The following RIMBP2 variants were observed in gnomAD, a reference collection of about 807,000 sequenced individuals.
RIMBP2 encodes the protein RIMS-binding protein 2.
RIMBP2 carries 48 observed loss-of-function variants against 118.6 expected under a neutral mutation model. The ratio of observed to expected loss-of-function variants is 0.40; its 90% CI spans 0.32 to 0.51. The LOEUF is 0.51. RIMBP2 is among the 20% of genes least tolerant of loss of function. The pLI, the probability that RIMBP2 is intolerant of heterozygous loss-of-function variation, is 0.41. For synonymous variants in RIMBP2, 762 were observed against 742.9 expected, an observed-to-expected ratio of 1.03 and a Z score of -0.42; for missense variants, 1,551 against 1,768.3, an observed-to-expected ratio of 0.88 and a Z score of 2.20.
At chr12:130,679,899 G>C (rs978635155) in intron 1 of RIMBP2, among the ~76,000 whole-genome samples, 4 of 151,440 alleles carry the variant, frequency 2.6e-5, no homozygotes, top group Admixed American at 6.6e-5. Flanking sequence ...ATCCGTGAGT[G>C]TGATCATGCA....
At position 130,396,921 on chromosome 12, in the gene RIMBP2, A is replaced by G. The variant is rs958662984; in HGVS notation, c.*440T>C. 1 of 152,740 alleles carries G rather than the reference A, an allele frequency of 6.5e-6. No homozygotes were observed. The highest frequency in any genetic ancestry group is 1.5e-5 in the Non-Finnish European group (1 of 68,316). The allele number at this position is 152,740 out of a possible 1,614,324, so 9.5% of individuals were successfully genotyped here. ...TCATTGTGCATTTATAAGGCAGAAC[A>G]TCAAGGCGAATTAAACTAGGAATTT... On this transcript the variant is annotated 3_prime_UTR_variant, in exon 23 of 23. Coordinates refer to ENST00000690449, the MANE Select transcript of RIMBP2 (RefSeq NM_001393629.1).
Position 130,546,273 on chromosome 12 carries a change from T to C in RIMBP2, c.-216-28356A>G, listed in dbSNP as rs527528219. On this transcript the variant is annotated intron_variant, in intron 2 of 22. Transcript: ENST00000690449. The stretch of plus-strand genomic sequence containing the variant: ...TGTCCACTACCACGCCCAGCTAAGT[T>C]TTTTGTGTTTTTTGTTAGTTAGTTA... Among the ~76,000 whole-genome samples, 4 of 151,256 alleles carry C rather than the reference T, an allele frequency of 2.6e-5. No homozygotes were observed. The South Asian group carries it at 8.4e-4, about 32-fold the overall frequency.
chr12:130,585,269 C>T (rs4759732), intron 2 of RIMBP2, among the ~76,000 whole-genome samples: 126,640 of 152,060 alleles, frequency 0.83, 52,743 homozygotes, highest in South Asian at 0.88. Context: ...GGGGAGGGTC[C>T]TCTGGTTTGT....
chr12:130,575,930 G>A (rs918030306), intron 2 of RIMBP2, among the ~76,000 whole-genome samples: 4 of 152,178 alleles, frequency 2.6e-5, no homozygotes, highest in East Asian at 1.9e-4. Context: ...TTACTTCCCC[G>A]GAAAGCTGGT....
intron 1 of RIMBP2, 139 bp downstream of exon 1, chr12:130,716,083 A>T (rs1950309080): frequency 6.6e-6 from 1 of 152,216 alleles, no homozygotes; most frequent in Non-Finnish European, 1.5e-5. Flanking sequence ...GGCATTCTCC[A>T]TCCGCTGCAA....
intron 5 of RIMBP2, among the ~76,000 whole-genome samples, chr12:130,478,143 G>T (rs756155070): frequency 6.6e-6 from 1 of 152,178 alleles, no homozygotes; most frequent in Non-Finnish European, 1.5e-5. Context: ...CATCACAGGT[G>T]CCCAGGAGGT....
At chr12:130,513,489 A>G (rs1200441095) in intron 3 of RIMBP2, among the ~76,000 whole-genome samples, 1 of 148,922 alleles carries the variant, frequency 6.7e-6, no homozygotes, top group Non-Finnish European at 1.5e-5. Flanking sequence ...CAGACCTGCT[A>G]CAGGAACAGT....
chr12:130,566,275 A>C (rs995818372), intron 2 of RIMBP2, among the ~76,000 whole-genome samples: 1 of 152,154 alleles, frequency 6.6e-6, no homozygotes, highest in East Asian at 1.9e-4. Flanking sequence ...GTAAGGCAAT[A>C]ATAGAGAAAG....
intron 2 of RIMBP2, among the ~76,000 whole-genome samples, chr12:130,586,014 G>A (rs1021484110): frequency 3.3e-5 from 5 of 152,250 alleles, no homozygotes; most frequent in Admixed American, 6.5e-5. Flanking sequence ...TTGCTGAAAT[G>A]TATTTTAGTA....
chr12:130,628,406 G>T lies in RIMBP2; in HGVS notation c.-301C>A, dbSNP rs949405612. Reference sequence around the variant, plus strand: ...GGTCTCCCAAAGCTTGGGTCTGATCGAATGTGGCCTCAGCACCTGCAGGCT... The same window carrying T: ...GGTCTCCCAAAGCTTGGGTCTGATCTAATGTGGCCTCAGCACCTGCAGGCT... On this transcript the variant is annotated 5_prime_UTR_variant, in exon 2 of 23. Transcript: ENST00000690449. 2 of 152,194 alleles carry T rather than the reference G, an allele frequency of 1.3e-5. No individual in the cohort carries two copies. The highest frequency in any genetic ancestry group is 4.1e-4 in the South Asian group (2 of 4,834). 9.4% of individuals were successfully genotyped at this position (152,194 alleles called of 1,614,324 possible).
chr12:130,579,081 A>G (rs983713788), intron 2 of RIMBP2, among the ~76,000 whole-genome samples: 1 of 152,114 alleles, frequency 6.6e-6, no homozygotes, highest in Non-Finnish European at 1.5e-5. Context: ...GGGGCATCGT[A>G]GCCTGTTGCT....
At chr12:130,553,156 A>T (rs1167744516) in intron 2 of RIMBP2, among the ~76,000 whole-genome samples, 8 of 148,360 alleles carry the variant, frequency 5.4e-5, no homozygotes, top group African/African-American at 2.0e-4. Context: ...CCATCTCAAA[A>T]AAAAAAAAAG....
chr12:130,406,518 A>AT (rs1318896501), intron 20 of RIMBP2, among the ~76,000 whole-genome samples: 1 of 152,244 alleles, frequency 6.6e-6, no homozygotes, highest in Non-Finnish European at 1.5e-5. Flanking sequence ...CTGATAATAC[A>AT]TTTTTAAAGC....
chr12:130,588,093 C>T lies in RIMBP2; in HGVS notation c.-217+40229G>A, dbSNP rs369824861. Among the ~76,000 whole-genome samples, 44 of 152,192 alleles carry T rather than the reference C, an allele frequency of 2.9e-4. 1 individual carries two copies. Among genetic ancestry groups the T allele is most frequent in the African/African-American group, 1.0e-3 (42 of 41,530 alleles). ...CTTGGAACCTGCTGTTCCCCCATCCCATCTGAATCATCTCCTTTCCCTTCT... is the reference window on the plus strand; with the variant it reads ...CTTGGAACCTGCTGTTCCCCCATCCTATCTGAATCATCTCCTTTCCCTTCT... On this transcript the variant is annotated intron_variant, in intron 2 of 22. Coordinates refer to ENST00000690449, the MANE Select transcript of RIMBP2 (RefSeq NM_001393629.1).
rs528874133 is a variant in RIMBP2 at position 130,445,221 on chromosome 12, G to A, written c.630C>T (p.Pro210=). 70 of 1,613,410 alleles carry A rather than the reference G, an allele frequency of 4.3e-5. No homozygotes were observed. In the South Asian group the frequency reaches 7.4e-4, roughly 17 times the overall value. The change falls in exon 10 of 23, where the codon CCC becomes CCT. Residue 210 remains proline, a synonymous_variant. Transcript: ENST00000690449. ...CGTAGAGGTATTTTCCCGCCGTGAGGGGCAGCTCAGCTTCGGGGTTCTCGT... is the reference window on the plus strand; with the variant it reads ...CGTAGAGGTATTTTCCCGCCGTGAGAGGCAGCTCAGCTTCGGGGTTCTCGT... ...GPNENPEAEL[P]LTAGKYLYVY...
intron 2 of RIMBP2, among the ~76,000 whole-genome samples, chr12:130,522,252 G>T (rs1448824819): frequency 6.6e-6 from 1 of 152,230 alleles, no homozygotes; most frequent in Non-Finnish European, 1.5e-5. Context: ...TTCTAATGAG[G>T]ATGAGGGAGG....
chr12:130,537,930 C>T (rs1384964977), intron 2 of RIMBP2, among the ~76,000 whole-genome samples: 1 of 152,196 alleles, frequency 6.6e-6, no homozygotes, highest in East Asian at 1.9e-4. Flanking sequence ...CACACTTGCT[C>T]TTGCTGTCTC....
At chr12:130,705,532 G>A (rs2066065801) in intron 1 of RIMBP2, among the ~76,000 whole-genome samples, 2 of 152,144 alleles carry the variant, frequency 1.3e-5, no homozygotes, top group Admixed American at 6.5e-5. Context: ...AGGAGCCCAC[G>A]TGGTTCCCTG....
rs1162724240 is a variant in RIMBP2, at chr12:130,398,039, T to TGAAA, written c.3901-494_3901-491dup. On this transcript the variant is annotated intron_variant, in intron 22 of 22. Coordinates refer to ENST00000690449, the MANE Select transcript of RIMBP2 (RefSeq NM_001393629.1). ...GAAATATTGGAGATGGCACACTGGTTGAAAGAAAAAAAAAAACTAAAATGA... is the reference window on the plus strand; with the variant it reads ...GAAATATTGGAGATGGCACACTGGTTGAAAGAAAGAAAAAAAAAAACTAAAATGA... 3 of 152,156 alleles carry TGAAA rather than the reference T, an allele frequency of 2.0e-5. No individual in the cohort carries two copies. In the East Asian group the frequency reaches 5.8e-4, roughly 29 times the overall value. 9.4% of individuals were successfully genotyped at this position (152,156 alleles called of 1,614,324 possible). A position where few individuals can be genotyped will look rare whatever the true frequency, so the allele number is the denominator to read the frequency against.
Sources: allele counts gnomAD v4.1 joint callset (sites outside exome capture counted in the v4.1 genomes callset), GRCh38; gene constraint gnomAD v4.1.1; transcripts MANE v1.5; gene names NCBI Gene and HGNC (gene_info 2026-07-23, HGNC 2026-07-21).